The following CGGBP1 variants were observed in gnomAD, a reference collection of about 807,000 sequenced individuals.
CGGBP1 encodes CGG triplet repeat binding protein 1.
CGGBP1 carries 4 observed loss-of-function variants against 11.4 expected under a neutral mutation model. The ratio of observed to expected loss-of-function variants is 0.35; its 90% confidence interval spans 0.17 to 0.80. The LOEUF is 0.80. CGGBP1 is among the 30% of genes least tolerant of loss of function. The pLI, the probability that CGGBP1 is intolerant of heterozygous loss-of-function variation, is 0.52. For synonymous variants in CGGBP1, 76 were observed against 74.1 expected (o/e 1.03, Z -0.13); for missense variants, 135 against 202.1 (o/e 0.67, Z 2.01).
rs998394570 is a variant in CGGBP1, at chr3:88,054,747, C to T, written c.*726G>A. 2.1e-4 allele frequency: 32 copies of T among 152,506 alleles called. No individual in the cohort carries two copies. The highest frequency in any genetic ancestry group is 7.2e-4 in the African/African-American group (30 of 41,408). The allele number at this position is 152,506 out of a possible 1,614,324, so 9.4% of individuals were successfully genotyped here. ...GATGCTTAAAATGAAAGCTATGGTT[C>T]GAAATTAGTATTCATAGTAAGAGAC... On this transcript the variant is annotated 3_prime_UTR_variant, in exon 4 of 4. Coordinates refer to ENST00000482016, the MANE Select transcript of CGGBP1 (RefSeq NM_001008390.2).
chr3:88,108,215 T>TC, intron 2 of CGGBP1, among the ~76,000 whole-genome samples: 1 of 152,210 alleles, frequency 6.6e-6, no homozygotes, highest in African/African-American at 2.4e-5. Flanking sequence ...TTTTTTTTTT[T>TC]CCTATTTCTA....
intron 1 of CGGBP1, chr3:88,141,124 G>C (rs148382827): frequency 2.0e-6 from 3 of 1,488,986 alleles, no homozygotes; most frequent in African/African-American, 1.4e-5. Context: ...ATAGATCTTT[G>C]AGATTTAAAA....
rs1387239301 is a variant in CGGBP1 at position 88,054,623 on chromosome 3, A to G, written c.*850T>C. 6.6e-6 allele frequency: 1 copy of G among 152,564 alleles called. No homozygotes were observed. The highest frequency in any genetic ancestry group is 1.5e-5 in the Non-Finnish European group (1 of 68,036). The allele number at this position is 152,564 out of a possible 1,614,324, so 9.5% of individuals were successfully genotyped here. ...AAAAAAATTACTAATTCTCTATAAT[A>G]AAGAGAAAACTCAACCATAAAATGT... On this transcript the variant is annotated 3_prime_UTR_variant, in exon 4 of 4. Transcript: ENST00000482016.
At chr3:88,140,267 T>C (rs1293574408) in intron 2 of CGGBP1, 8 of 1,613,808 alleles carry the variant, frequency 5.0e-6, no homozygotes, top group Non-Finnish European at 6.8e-6. Context: ...AACATGAAGC[T>C]CAACACTATT....
intron 2 of CGGBP1, among the ~76,000 whole-genome samples, chr3:88,103,862 G>A (rs1704580247): frequency 6.7e-6 from 1 of 148,684 alleles, no homozygotes. Context: ...TGCCTCTCGG[G>A]GTCAAGCGAT....
chr3:88,087,103 C>T (rs1166768351), intron 2 of CGGBP1, among the ~76,000 whole-genome samples: 1 of 146,872 alleles, frequency 6.8e-6, no homozygotes, highest in Non-Finnish European at 1.5e-5. Flanking sequence ...TTTTTTGAGA[C>T]AGAGTCTCTC....
At chr3:88,148,744 G>A (rs1272353620) in intron 1 of CGGBP1, among the ~76,000 whole-genome samples, 4 of 152,150 alleles carry the variant, frequency 2.6e-5, no homozygotes, top group African/African-American at 9.7e-5. Context: ...GAGTTCAAGC[G>A]ATTCTCCTGC....
chr3:88,059,272 C>A (rs1477759865), upstream of CGGBP1: 2 of 1,531,598 alleles, frequency 1.3e-6, no homozygotes, highest in African/African-American at 1.4e-5. Context: ...GCATCTACGG[C>A]GGCGGCGGCG....
intron 2 of CGGBP1, chr3:88,129,065 AC>A: frequency 1.5e-6 from 2 of 1,330,154 alleles, no homozygotes; most frequent in Non-Finnish European, 1.0e-6. Context: ...CCAAAAAAAA[AC>A]CAAAAAAAAA....
chr3:88,077,644 C>A (rs1476587015), intron 2 of CGGBP1, among the ~76,000 whole-genome samples: 1 of 151,860 alleles, frequency 6.6e-6, no homozygotes, highest in East Asian at 1.9e-4. Flanking sequence ...ATAGGGAAAC[C>A]TTTTCAAAAT....
In CGGBP1 at chr3:88,140,224, A is replaced by G. The variant is rs752245840; in HGVS notation, c.-229+746T>C. ...GCTCAGTGTAGTTTTCCAGAATGCC[A>G]TGAGCTTTTTGAAGATCTTCCTCTG... On this transcript the variant is annotated intron_variant, in intron 2 of 3. Transcript: ENST00000462901. 6 of 1,613,822 alleles carry G rather than the reference A, an allele frequency of 3.7e-6. No homozygotes were observed. The South Asian group carries it at 6.6e-5, about 18-fold the overall frequency.
chr3:88,087,520 T>C (rs886117516), intron 2 of CGGBP1, among the ~76,000 whole-genome samples: 4 of 152,116 alleles, frequency 2.6e-5, no homozygotes, highest in African/African-American at 9.7e-5. Context: ...TGAAAATAAA[T>C]AGAGAAAGAT....
rs1706670344 is a variant in CGGBP1, at chr3:88,058,958, G to A, written c.-474C>T. 2 of 206,078 alleles carry A rather than the reference G, an allele frequency of 9.7e-6. No homozygotes were observed. Among genetic ancestry groups the A allele is most frequent in the Non-Finnish European group, 9.6e-6 (1 of 104,402 alleles). 12.8% of individuals were successfully genotyped at this position (206,078 alleles called of 1,614,324 possible). A position where few individuals can be genotyped will look rare whatever the true frequency, so the allele number is the denominator to read the frequency against. On this transcript the variant is annotated 5_prime_UTR_variant, in exon 1 of 4. Transcript: ENST00000482016. ...CCGCCGTTGCCCGATCGAGCCCCGC[G>A]GCGGCCGCCGTGTCCCCCGCCGCGC... is the stretch of plus-strand genomic sequence containing the variant.
intron 2 of CGGBP1, among the ~76,000 whole-genome samples, chr3:88,074,429 C>A (rs1292166104): frequency 1.3e-5 from 2 of 149,562 alleles, no homozygotes; most frequent in Non-Finnish European, 3.0e-5. Flanking sequence ...GCAATCTCTG[C>A]CTCCTGGGTT....
intron 2 of CGGBP1, chr3:88,139,923 G>C (rs1220375941): frequency 6.2e-7 from 1 of 1,613,534 alleles, no homozygotes; most frequent in Non-Finnish European, 8.5e-7. Flanking sequence ...TCCTGCTCTT[G>C]GTTGTGTCCG....
chr3:88,065,703 T>C (rs1467652063), intron 2 of CGGBP1, among the ~76,000 whole-genome samples: 5 of 152,200 alleles, frequency 3.3e-5, no homozygotes, highest in Admixed American at 6.5e-5. Context: ...CATTTTCTTT[T>C]CCTACCTCAC....
chr3:88,080,926 C>A (rs759199141), intron 2 of CGGBP1, among the ~76,000 whole-genome samples: 5 of 152,110 alleles, frequency 3.3e-5, no homozygotes, highest in Non-Finnish European at 5.9e-5. Context: ...AAATTGTAGA[C>A]CTTTTCAAAT....
chr3:88,093,375 C>T (rs1260445923), intron 2 of CGGBP1, among the ~76,000 whole-genome samples: 2 of 152,138 alleles, frequency 1.3e-5, no homozygotes, highest in African/African-American at 2.4e-5. Flanking sequence ...TTTTACCCAA[C>T]AGAAAGTAAA....
At chr3:88,147,406 A>C (rs1002597637) in intron 1 of CGGBP1, among the ~76,000 whole-genome samples, 12 of 152,300 alleles carry the variant, frequency 7.9e-5, no homozygotes, top group Middle Eastern at 3.4e-3. Context: ...GGCAAGAGCA[A>C]AGGCTTTGAG....
Sources: allele counts gnomAD v4.1 joint callset (sites outside exome capture counted in the v4.1 genomes callset), GRCh38; gene constraint gnomAD v4.1.1; transcripts MANE v1.5; gene names NCBI Gene and HGNC (gene_info 2026-07-23, HGNC 2026-07-21).